TMEM135: variants seen among roughly 807,000 people sequenced by gnomAD.
TMEM135 encodes transmembrane protein 135.
In TMEM135, 30 loss-of-function variants were observed where a neutral mutation model predicts 60.3. The ratio of observed to expected loss-of-function variants is 0.50; its 90% CI spans 0.37 to 0.68. The LOEUF (loss-of-function observed/expected upper bound fraction) is 0.68. Ranked by LOEUF, TMEM135 falls within the 30% of genes least tolerant of loss-of-function variation. TMEM135 has a pLI of 0.00. For synonymous variants in TMEM135, 190 were observed against 186.7 expected, an observed-to-expected ratio of 1.02 and a Z score of -0.14; for missense variants, 468 against 548.8, an observed-to-expected ratio of 0.85 and a Z score of 1.47.
At chr11:87,209,379 A>G (rs1333192987) in intron 5 of TMEM135, among the ~76,000 whole-genome samples, 1 of 152,220 alleles carries the variant, frequency 6.6e-6, no homozygotes, top group East Asian at 1.9e-4. Flanking sequence ...AATGGAAAAC[A>G]AGAGCTGGGG....
At chr11:87,067,843 A>C in intron 2 of TMEM135, 22 bp downstream of exon 2, 1 of 1,612,416 alleles carries the variant, frequency 6.2e-7, no homozygotes. Flanking sequence ...TAATCACCAT[A>C]GATACTAATA....
chr11:87,062,220 G>A (rs985335517), intron 1 of TMEM135, among the ~76,000 whole-genome samples: 3 of 151,882 alleles, frequency 2.0e-5, no homozygotes, highest in Non-Finnish European at 4.4e-5. Context: ...TGGTCAGGCT[G>A]GTCTCGAACT....
intron 1 of TMEM135, among the ~76,000 whole-genome samples, chr11:87,059,129 G>A (rs943054709): frequency 6.6e-6 from 1 of 151,680 alleles, no homozygotes; most frequent in African/African-American, 2.4e-5. Flanking sequence ...TGGAGACGGG[G>A]CTTCACCATG....
intron 6 of TMEM135, among the ~76,000 whole-genome samples, chr11:87,250,638 A>G (rs1941394782): frequency 6.6e-6 from 1 of 152,106 alleles, no homozygotes; most frequent in Admixed American, 6.6e-5. Flanking sequence ...AAGAGACTTG[A>G]TATGATTTCA....
At chr11:87,188,526 AC>A (rs34309213) in intron 5 of TMEM135, among the ~76,000 whole-genome samples, 79,071 of 150,884 alleles carry the variant, frequency 0.52, 21,799 homozygotes, top group East Asian at 0.74. Context: ...ACATGATGAA[AC>A]CCCCCCTCTC....
intron 6 of TMEM135, among the ~76,000 whole-genome samples, chr11:87,264,499 T>A (rs570825758): frequency 8.5e-5 from 13 of 152,072 alleles, no homozygotes; most frequent in Admixed American, 2.6e-4. Context: ...TAGTTTCTTT[T>A]TAGTAGGAAG....
At chr11:87,270,499 A>C (rs922037589) in intron 6 of TMEM135, among the ~76,000 whole-genome samples, 64 of 152,236 alleles carry the variant, frequency 4.2e-4, no homozygotes, top group African/African-American at 1.5e-3. Context: ...AGCTAAATTA[A>C]TAGCATTCAG....
intron 3 of TMEM135, among the ~76,000 whole-genome samples, chr11:87,085,688 TG>T (rs577527033): frequency 4.2e-4 from 64 of 151,806 alleles, no homozygotes; most frequent in Non-Finnish European, 8.1e-4. Flanking sequence ...GCCTGGGAGG[TG>T]GAAGTTTCAG....
intron 6 of TMEM135, among the ~76,000 whole-genome samples, chr11:87,248,435 C>A (rs1941339741): frequency 2.0e-5 from 3 of 152,162 alleles, no homozygotes; most frequent in Non-Finnish European, 4.4e-5. Context: ...TTTTGATTTG[C>A]ATTTCTCTGA....
chr11:87,294,654 A>G (rs1942319018), intron 6 of TMEM135, among the ~76,000 whole-genome samples: 1 of 152,230 alleles, frequency 6.6e-6, no homozygotes, highest in Admixed American at 6.5e-5. Context: ...AAGTGCTGAG[A>G]TTACAGGTGT....
At chr11:87,147,472 ACTATAGGCATGTGCCACTGTGC>A (rs547043056) in intron 4 of TMEM135, among the ~76,000 whole-genome samples, 49 of 152,198 alleles carry the variant, frequency 3.2e-4, no homozygotes, top group African/African-American at 1.1e-3. Context: ...AATAGCTGGG[ACTATAGGCATGTGCCACTGTGC>A]CTAGCTTACT....
At chr11:87,300,232 G>C (rs1290025277) in intron 7 of TMEM135, among the ~76,000 whole-genome samples, 1 of 152,130 alleles carries the variant, frequency 6.6e-6, no homozygotes. Flanking sequence ...GTTCAGATAC[G>C]CACTTTGGGA....
At chr11:87,117,675 C>T (rs1283681209) in intron 4 of TMEM135, among the ~76,000 whole-genome samples, 1 of 152,154 alleles carries the variant, frequency 6.6e-6, no homozygotes, top group Non-Finnish European at 1.5e-5. Context: ...CTCTTTCAAC[C>T]ACATTTGCAT....
At chr11:87,062,551 C>G (rs1156882361) in intron 1 of TMEM135, among the ~76,000 whole-genome samples, 2 of 150,948 alleles carry the variant, frequency 1.3e-5, no homozygotes, top group Admixed American at 6.6e-5. Flanking sequence ...GCAACCTCCA[C>G]CTCCTCGAGT....
chr11:87,041,130 T>C (rs1348101694), intron 1 of TMEM135, among the ~76,000 whole-genome samples: 1 of 152,234 alleles, frequency 6.6e-6, no homozygotes, highest in Non-Finnish European at 1.5e-5. Flanking sequence ...ACATTTATTA[T>C]GTGCTTAGTC....
intron 5 of TMEM135, among the ~76,000 whole-genome samples, chr11:87,166,289 T>G (rs535756497): frequency 2.0e-5 from 3 of 151,964 alleles, no homozygotes; most frequent in South Asian, 4.1e-4. Context: ...TATTTTGCTG[T>G]GCAGAAACTC....
intron 5 of TMEM135, among the ~76,000 whole-genome samples, chr11:87,229,649 A>G (rs1174277072): frequency 6.6e-6 from 1 of 152,188 alleles, no homozygotes; most frequent in East Asian, 1.9e-4. Context: ...TTTGGTATTT[A>G]GAAATGTTTA....
rs558926297 is a variant in TMEM135, at chr11:87,086,206, A to G, written c.363-5156A>G. Among the ~76,000 whole-genome samples, 87 of 152,228 alleles carry G rather than the reference A, an allele frequency of 5.7e-4. 3 individuals carry two copies. The South Asian group carries it at 0.017, about 30-fold the overall frequency. On this transcript the variant is annotated intron_variant, in intron 3 of 14. Transcript: ENST00000305494. ...CTTGTTGGCTATGTCTAGTAATTCC[A>G]TAATCATTTGTTTAGTGCCTCGTAT...
chr11:87,045,163 T>G (rs3133315), intron 1 of TMEM135, among the ~76,000 whole-genome samples: 72,677 of 151,470 alleles, frequency 0.48, 18,866 homozygotes, highest in African/African-American at 0.67. Flanking sequence ...TCGAGTAGCT[T>G]GGACTACAGG....
Sources: allele counts gnomAD v4.1 joint callset (sites outside exome capture counted in the v4.1 genomes callset), GRCh38; gene constraint gnomAD v4.1.1; transcripts MANE v1.5; gene names NCBI Gene and HGNC (gene_info 2026-07-23, HGNC 2026-07-21).